The following ADAMTSL1 variants were observed in gnomAD, a reference collection of about 807,000 sequenced individuals.
The protein encoded by ADAMTSL1 is ADAMTS like 1, also known as ADAMTS-like protein 1.
ADAMTSL1 carries 126 observed loss-of-function variants against 201.8 expected under a neutral mutation model. That is an observed-to-expected ratio of 0.62 (90% confidence interval 0.54 to 0.72). ADAMTSL1 has a LOEUF of 0.72. Among genes scored for constraint, ADAMTSL1 ranks in the 30% least tolerant of loss-of-function variants. ADAMTSL1 has a pLI of 0.00. For missense variants in ADAMTSL1, 2,679 were observed against 2,277.8 expected, an observed-to-expected ratio of 1.18 and a Z score of -3.59; for synonymous variants, 1,121 against 903.4, an observed-to-expected ratio of 1.24 and a Z score of -4.32.
At chr9:18,022,497 A>G (rs564319318) in intron 1 of ADAMTSL1, among the ~76,000 whole-genome samples, 29 of 151,744 alleles carry the variant, frequency 1.9e-4, no homozygotes, top group African/African-American at 6.8e-4. Context: ...ATTCTTGCCC[A>G]TTTTTCCACT....
intron 4 of ADAMTSL1, among the ~76,000 whole-genome samples, chr9:18,593,753 C>T (rs552133199): frequency 2.0e-5 from 3 of 151,712 alleles, no homozygotes; most frequent in South Asian, 4.2e-4. Flanking sequence ...AGTTTTATTC[C>T]ATTGTGTTCA....
intron 5 of ADAMTSL1, among the ~76,000 whole-genome samples, chr9:18,631,495 A>T (rs1349892124): frequency 6.6e-6 from 1 of 152,226 alleles, no homozygotes; most frequent in Admixed American, 6.5e-5. Flanking sequence ...TCTCATTTTT[A>T]AAAATAAAAT....
At chr9:18,033,408 C>G (rs1177477948) in intron 1 of ADAMTSL1, among the ~76,000 whole-genome samples, 1 of 152,150 alleles carries the variant, frequency 6.6e-6, no homozygotes, top group Non-Finnish European at 1.5e-5. Context: ...AAAGAAATCA[C>G]TAAAGTTTAC....
At chr9:17,935,156 G>A (rs903614925) in intron 1 of ADAMTSL1, among the ~76,000 whole-genome samples, 1 of 151,944 alleles carries the variant, frequency 6.6e-6, no homozygotes, top group African/African-American at 2.4e-5. Context: ...CCAGTGGACA[G>A]CTCTCCATCC....
At chr9:18,345,390 C>T (rs1835669722) in intron 2 of ADAMTSL1, among the ~76,000 whole-genome samples, 1 of 146,926 alleles carries the variant, frequency 6.8e-6, no homozygotes, top group South Asian at 2.2e-4. Flanking sequence ...ACATCCGAAT[C>T]ATCAGAATCC....
At chr9:18,243,680 C>T (rs796558009) in intron 2 of ADAMTSL1, among the ~76,000 whole-genome samples, 7 of 152,116 alleles carry the variant, frequency 4.6e-5, no homozygotes, top group African/African-American at 1.4e-4. Flanking sequence ...CATAAACTCA[C>T]ATCTTCAACT....
chr9:18,506,599 A>AG (rs34077257), intron 2 of ADAMTSL1, among the ~76,000 whole-genome samples: 5,612 of 152,036 alleles, frequency 0.037, 347 homozygotes, highest in African/African-American at 0.13. Context: ...AAATTCAAAA[A>AG]TAAACAATTT....
At chr9:18,084,309 G>C (rs1823647035) in intron 1 of ADAMTSL1, among the ~76,000 whole-genome samples, 1 of 151,630 alleles carries the variant, frequency 6.6e-6, no homozygotes, top group Admixed American at 6.6e-5. Flanking sequence ...ATCACCTGAG[G>C]TCAGGAGTTA....
At chr9:18,532,679 T>C (rs575100826) in intron 2 of ADAMTSL1, among the ~76,000 whole-genome samples, 3 of 152,050 alleles carry the variant, frequency 2.0e-5, no homozygotes, top group Middle Eastern at 3.4e-3. Flanking sequence ...ATAATAGTGA[T>C]TGTCTTTAGA....
intron 1 of ADAMTSL1, among the ~76,000 whole-genome samples, chr9:18,004,200 A>G (rs773273016): frequency 3.9e-5 from 6 of 152,062 alleles, no homozygotes; most frequent in Non-Finnish European, 8.8e-5. Context: ...TGATTTTGCA[A>G]TATGGAAAGG....
intron 13 of ADAMTSL1, among the ~76,000 whole-genome samples, chr9:18,688,689 A>AAAAAAAATATAT (rs1554730404): frequency 5.8e-4 from 5 of 8,648 alleles, no homozygotes; most frequent in African/African-American, 1.5e-3. Context: ...AAAAAAAAAA[A>AAAAAAAATATAT]ATATATATAT....
intron 15 of ADAMTSL1, among the ~76,000 whole-genome samples, chr9:18,727,209 C>T (rs921187129): frequency 1.3e-5 from 2 of 152,186 alleles, no homozygotes; most frequent in African/African-American, 4.8e-5. Context: ...CTTTCAAAGC[C>T]TTGCAGGCTC....
chr9:18,844,706 T>G (rs901870351), intron 23 of ADAMTSL1, among the ~76,000 whole-genome samples: 19 of 152,356 alleles, frequency 1.2e-4, no homozygotes, highest in African/African-American at 4.6e-4. Context: ...TCGAGCTTCC[T>G]GGCTGCTTTG....
chr9:18,206,755 C>T (rs910054604), intron 2 of ADAMTSL1, among the ~76,000 whole-genome samples: 1 of 152,110 alleles, frequency 6.6e-6, no homozygotes, highest in Non-Finnish European at 1.5e-5. Context: ...ATTTTGCGTT[C>T]CTGACTTTTT....
chr9:18,504,332 C>T (rs543223694), intron 1 of ADAMTSL1, among the ~76,000 whole-genome samples: 2 of 152,234 alleles, frequency 1.3e-5, no homozygotes, highest in Admixed American at 1.3e-4. Context: ...ATAGTTATTC[C>T]AACGAGCACA....
At chr9:18,254,556 G>A (rs530899152) in intron 2 of ADAMTSL1, among the ~76,000 whole-genome samples, 1 of 151,312 alleles carries the variant, frequency 6.6e-6, no homozygotes, top group Non-Finnish European at 1.5e-5. Flanking sequence ...GTAAAGACGG[G>A]GTTTCACCAT....
intron 1 of ADAMTSL1, among the ~76,000 whole-genome samples, chr9:18,107,554 T>G (rs1213726433): frequency 1.3e-5 from 2 of 151,600 alleles, no homozygotes; most frequent in African/African-American, 4.8e-5. Flanking sequence ...AATAACATGA[T>G]TTTTTTTTAT....
intron 3 of ADAMTSL1, among the ~76,000 whole-genome samples, chr9:18,543,021 C>T (rs914671832): frequency 2.6e-5 from 4 of 152,158 alleles, no homozygotes; most frequent in Non-Finnish European, 5.9e-5. Flanking sequence ...AACAGACTTT[C>T]TATACAATGC....
chr9:18,012,978 C>A (rs1336565348), intron 1 of ADAMTSL1, among the ~76,000 whole-genome samples: 1 of 147,238 alleles, frequency 6.8e-6, no homozygotes, highest in Non-Finnish European at 1.5e-5. Flanking sequence ...TCTTACCCAC[C>A]ATTTACTTAC....
Sources: gnomAD v4.1 joint callset for allele counts (sites outside exome capture counted in the v4.1 genomes callset) on GRCh38, gnomAD v4.1.1 for gene constraint, MANE v1.5 for transcripts, NCBI Gene and HGNC (gene_info 2026-07-23, HGNC 2026-07-21) for gene names.